SYBU: variants seen among roughly 807,000 people sequenced by gnomAD.
SYBU encodes GOLSYN A protein.
In SYBU, 21 loss-of-function variants were observed where a neutral mutation model predicts 35.9. The observed-to-expected ratio is 0.58, with a 90% CI of 0.41 to 0.84. The LOEUF (loss-of-function observed/expected upper bound fraction) is 0.84. Among genes scored for constraint, SYBU ranks in the 40% least tolerant of loss-of-function variants. SYBU has a pLI of 0.00. For synonymous variants in SYBU, 319 were observed against 324.3 expected (o/e 0.98, Z 0.18); for missense variants, 768 against 848.2 (o/e 0.91, Z 1.17).
At chr8:109,639,772 G>C (rs1241046467) in intron 2 of SYBU, among the ~76,000 whole-genome samples, 2 of 152,126 alleles carry the variant, frequency 1.3e-5, no homozygotes, top group East Asian at 3.9e-4. Context: ...TAAAACGAGC[G>C]ATTTCCCCCT....
intron 3 of SYBU, among the ~76,000 whole-genome samples, chr8:109,615,868 T>C (rs1201825236): frequency 6.6e-6 from 1 of 152,082 alleles, no homozygotes. Context: ...TTCTGGAGTA[T>C]GGGTCCATAG....
At position 109,574,867 on chromosome 8, in the gene SYBU, AC is replaced by A; in HGVS notation, c.*38del. ...CCTGTTTCTCTACCTGGCACAACCC[AC>A]ATGGGACACATTGGCACACGGTAAC... On this transcript the variant is annotated 3_prime_UTR_variant, in exon 7 of 7. Coordinates refer to ENST00000276646, the MANE Select transcript of SYBU (RefSeq NM_001099754.2). 1 of 1,507,986 alleles carries A rather than the reference AC, an allele frequency of 6.6e-7. No individual in the cohort carries two copies. 93.4% of individuals were successfully genotyped at this position (1,507,986 alleles called of 1,614,324 possible). A position where few individuals can be genotyped will look rare whatever the true frequency, so the allele number is the denominator to read the frequency against.
chr8:109,586,607 C>A (rs996752104), intron 3 of SYBU: 1 of 155,338 alleles, frequency 6.4e-6, no homozygotes, highest in Non-Finnish European at 1.4e-5. Flanking sequence ...TTCAATTTGG[C>A]AAGTTAGGTT....
intron 1 of SYBU, among the ~76,000 whole-genome samples, chr8:109,673,413 CCAACTCCGGCAGACCTG>C (rs1219081564): frequency 5.3e-5 from 8 of 152,146 alleles, no homozygotes; most frequent in Non-Finnish European, 8.8e-5. Context: ...GGACCTCCAG[CCAACTCCGGCAGACCTG>C]CAACAGAGGG....
chr8:109,664,893 T>A (rs1307475159), intron 1 of SYBU, among the ~76,000 whole-genome samples: 1 of 152,170 alleles, frequency 6.6e-6, no homozygotes, highest in Non-Finnish European at 1.5e-5. Flanking sequence ...CTATAGGGCA[T>A]AAATGGGGAA....
rs886225138 is a variant in SYBU, at chr8:109,586,078, C to T, written c.512G>A (p.Arg171Gln). Residue 171 changes from arginine (R) to glutamine (Q), a missense_variant, in exon 4 of 7, where the codon CGG (arginine) becomes CAG (glutamine). Physicochemically the swap from Arg to Gln is conservative, Grantham distance 43. Transcript: ENST00000276646. ...TGCCTACTTGCGTGAAGAAGAAGAC[C>T]GCTTGCTTCCCGCAGTCGACATATG... Reference protein sequence around the residue: ...EVHMSTAGSKRSSSSRNRGPH... With the variant: ...EVHMSTAGSKQSSSSRNRGPH... 11 of 1,610,676 alleles carry T rather than the reference C, an allele frequency of 6.8e-6. No homozygotes were observed. Among genetic ancestry groups the T allele is most frequent in the African/African-American group, 6.7e-5 (5 of 74,864 alleles).
At chr8:109,680,104 G>A (rs554277780) in intron 1 of SYBU, 2 of 152,284 alleles carry the variant, frequency 1.3e-5, no homozygotes, top group South Asian at 4.1e-4. Flanking sequence ...TATTCAATTT[G>A]TACAACTACA....
intron 2 of SYBU, among the ~76,000 whole-genome samples, chr8:109,633,293 C>G (rs1813844471): frequency 1.3e-5 from 2 of 152,068 alleles, no homozygotes; most frequent in Non-Finnish European, 2.9e-5. Flanking sequence ...GCCTGGTCAC[C>G]CACACACAAA....
rs867826688 is a variant in SYBU, at chr8:109,644,763, G to C, written c.-104C>G. 36 of 1,166,062 alleles carry C rather than the reference G, an allele frequency of 3.1e-5. No individual in the cohort carries two copies. In the African/African-American group the frequency reaches 5.2e-4, roughly 17 times the overall value. The allele number at this position is 1,166,062 out of a possible 1,614,324, so 72.2% of individuals were successfully genotyped here. Reference sequence around the variant, plus strand: ...ACTGCGCTGAGCCGGCGCGGGCTGCGGGCGGCGGCTCTTGGTGAGGCTCCA... The same window carrying C: ...ACTGCGCTGAGCCGGCGCGGGCTGCCGGCGGCGGCTCTTGGTGAGGCTCCA... On this transcript the variant is annotated 5_prime_UTR_variant, in exon 1 of 7. Coordinates refer to ENST00000276646, the MANE Select transcript of SYBU (RefSeq NM_001099754.2).
In SYBU at chr8:109,577,766, A is replaced by C. The variant is rs78147373; in HGVS notation, c.884+102T>G. On this transcript the variant is annotated intron_variant, in intron 6 of 6. Transcript: ENST00000276646. ...TAAAAATTTGACCAAAATTGAATAC[A>C]ATCATTTTTTCTTTTCTATCTTTCT... is the stretch of plus-strand genomic sequence containing the variant. The C allele has an allele frequency of 1.2e-3, 1,598 of 1,293,916 alleles. 16 individuals are homozygous for C. The highest frequency in any genetic ancestry group is 0.01 in the South Asian group (587 of 57,988). The allele number at this position is 1,293,916 out of a possible 1,614,324, so 80.2% of individuals were successfully genotyped here.
At chr8:109,601,151 G>A (rs956765874) in intron 3 of SYBU, among the ~76,000 whole-genome samples, 21 of 152,190 alleles carry the variant, frequency 1.4e-4, no homozygotes, top group African/African-American at 4.8e-4. Flanking sequence ...AGCCACTGTG[G>A]ACTCAGAGCC....
intron 3 of SYBU, among the ~76,000 whole-genome samples, chr8:109,600,890 T>C (rs1364415088): frequency 6.6e-6 from 1 of 152,204 alleles, no homozygotes; most frequent in African/African-American, 2.4e-5. Flanking sequence ...AAGGTCGACA[T>C]GTGTGCATTG....
At chr8:109,601,065 G>A (rs144506812) in intron 3 of SYBU, among the ~76,000 whole-genome samples, 25 of 152,186 alleles carry the variant, frequency 1.6e-4, no homozygotes, top group African/African-American at 4.6e-4. Context: ...TGGTGTTGGC[G>A]GCAGACTCCT....
intron 1 of SYBU, among the ~76,000 whole-genome samples, chr8:109,669,769 T>C (rs1458700241): frequency 2.0e-5 from 3 of 152,246 alleles, no homozygotes; most frequent in Admixed American, 2.0e-4. Flanking sequence ...TGAGTTTAAA[T>C]AAATGTTTAT....
intron 3 of SYBU, among the ~76,000 whole-genome samples, chr8:109,594,586 C>T (rs1415122155): frequency 6.6e-6 from 1 of 152,118 alleles, no homozygotes; most frequent in African/African-American, 2.4e-5. Context: ...CCATTCAACC[C>T]CCATCTTCAT....
chr8:109,667,401 G>A (rs961352863), intron 1 of SYBU, among the ~76,000 whole-genome samples: 1 of 151,844 alleles, frequency 6.6e-6, no homozygotes, highest in African/African-American at 2.4e-5. Flanking sequence ...GTGAGCCACC[G>A]TGCCTGGCCC....
chr8:109,649,243 C>A (rs1816011659), upstream of SYBU, among the ~76,000 whole-genome samples: 1 of 151,938 alleles, frequency 6.6e-6, no homozygotes, highest in African/African-American at 2.4e-5. Flanking sequence ...ACCTCGTGAT[C>A]TGCCCGCCTC....
intron 6 of SYBU, among the ~76,000 whole-genome samples, chr8:109,576,304 TA>T (rs1419094737): frequency 1.3e-5 from 2 of 152,210 alleles, no homozygotes; most frequent in Admixed American, 1.3e-4. Context: ...GTAATAATAG[TA>T]ATCAGAATCA....
intron 2 of SYBU, among the ~76,000 whole-genome samples, chr8:109,626,314 A>C (rs1392508708): frequency 2.0e-5 from 3 of 152,190 alleles, no homozygotes; most frequent in Non-Finnish European, 4.4e-5. Flanking sequence ...TTCAAAGATC[A>C]ACTAAATATT....
Sources: allele counts gnomAD v4.1 joint callset (sites outside exome capture counted in the v4.1 genomes callset), GRCh38; gene constraint gnomAD v4.1.1; transcripts MANE v1.5; gene names NCBI Gene and HGNC (gene_info 2026-07-23, HGNC 2026-07-21).